Variants in HTN1 observed in about 807,000 individuals in gnomAD.
HTN1 encodes the protein histatin-1.
A neutral mutation model predicts 11.2 loss-of-function variants in HTN1; 18 were observed. The ratio of observed to expected loss-of-function variants is 1.61; its 90% CI spans 1.12 to 2.39. The LOEUF (loss-of-function observed/expected upper bound fraction) is 2.39. HTN1 is among the 30% of genes most tolerant of loss of function. The pLI, the probability that HTN1 is intolerant of heterozygous loss-of-function variation, is 0.00. For synonymous variants in HTN1, 21 were observed against 20.5 expected (o/e 1.02, Z -0.07); for missense variants, 80 against 67.2 (o/e 1.19, Z -0.67).
chr4:70,055,665 C>T, intron 5 of HTN1, 63 bp downstream of exon 5: 1 of 755,322 alleles, frequency 1.3e-6, no homozygotes, highest in Non-Finnish European at 2.2e-6. Context: ...AAAAAAAAAG[C>T]CATAAGCTAA....
chr4:70,055,688 T>C (rs745458170), intron 5 of HTN1, 86 bp downstream of exon 5: 2 of 652,396 alleles, frequency 3.1e-6, no homozygotes, highest in Non-Finnish European at 5.4e-6. Context: ...ACCATTCCAG[T>C]TTAAGAAATG....
intron 5 of HTN1, chr4:70,057,152 A>G (rs1487854628): frequency 6.6e-6 from 1 of 152,242 alleles, no homozygotes; most frequent in East Asian, 1.9e-4. Flanking sequence ...ACCATTAATG[A>G]TAGACTGGAT....
chr4:70,056,717 G>T (rs1726052430), intron 5 of HTN1: 1 of 152,042 alleles, frequency 6.6e-6, no homozygotes, highest in African/African-American at 2.4e-5. Context: ...CCATCTAAAA[G>T]TGGGCAAAGG....
chr4:70,053,213 C>A, intron 2 of HTN1, 86 bp downstream of exon 2: 2 of 838,166 alleles, frequency 2.4e-6, no homozygotes, highest in Non-Finnish European at 4.0e-6. Flanking sequence ...GGTATATACT[C>A]ATGTTGACCT....
chr4:70,053,840 C>T (rs1039982041), intron 2 of HTN1, among the ~76,000 whole-genome samples: 11 of 152,026 alleles, frequency 7.2e-5, no homozygotes, highest in Non-Finnish European at 1.2e-4. Flanking sequence ...ATGAATGTTT[C>T]GAAACTGAAT....
intron 2 of HTN1, among the ~76,000 whole-genome samples, chr4:70,054,108 G>T (rs1163998442): frequency 6.6e-6 from 1 of 151,958 alleles, no homozygotes; most frequent in Non-Finnish European, 1.5e-5. Context: ...AAACCAAAAT[G>T]AGTTGATATT....
chr4:70,055,574 C>A lies in HTN1; in HGVS notation c.*5C>A. ...AATTATCTATATGACAATTGATATCCTTAGTAATCATGGGGCATGATTATA... is the reference window on the plus strand; with the variant it reads ...AATTATCTATATGACAATTGATATCATTAGTAATCATGGGGCATGATTATA... On this transcript the variant is annotated 3_prime_UTR_variant, in exon 5 of 6. Transcript: ENST00000246896. 6.6e-7 allele frequency: 1 copy of A among 1,520,144 alleles called. No homozygotes were observed. Among genetic ancestry groups the A allele is most frequent in the Non-Finnish European group, 9.1e-7 (1 of 1,096,006 alleles). The allele number at this position is 1,520,144 out of a possible 1,614,324, so 94.2% of individuals were successfully genotyped here. A position where few individuals can be genotyped will look rare whatever the true frequency, so the allele number is the denominator to read the frequency against.
rs181485765 is a variant in HTN1, at chr4:70,055,506, T to A, written c.111T>A (p.His37Gln). ...HGYRRKFHEK[H>Q]HSHREFPFYG... ...CTTTTGTGTGTATGCAGGAAAAGCA[T>A]CATTCACATCGAGAATTTCCATTTT... Residue 37 changes from histidine (H) to glutamine (Q), a missense_variant, in exon 5 of 6, where the codon CAT (histidine) becomes CAA (glutamine). Transcript: ENST00000246896. The A allele has an allele frequency of 1.4e-5, 23 of 1,592,316 alleles. No individual in the cohort carries two copies. The African/African-American group carries it at 2.2e-4, about 15-fold the overall frequency.
In HTN1 at chr4:70,053,132, G is replaced by A. The variant is rs138250823; in HGVS notation, c.51+5G>A. 2.1e-3 allele frequency: 3,398 copies of A among 1,589,362 alleles called. 5 individuals carry two copies. The highest frequency in any genetic ancestry group is 2.6e-3 in the Non-Finnish European group (3,013 of 1,158,024). On this transcript the variant is annotated splice_donor_5th_base_variant and intron_variant, in intron 2 of 5. Transcript: ENST00000246896. ...GCTCTCATGATTTCCATGATTGTAA[G>A]TATATCTGGAAATTTTAAATACTAC...
At chr4:70,051,098 T>C (rs1449459822) in intron 1 of HTN1, among the ~76,000 whole-genome samples, 1 of 152,206 alleles carries the variant, frequency 6.6e-6, no homozygotes, top group Non-Finnish European at 1.5e-5. Flanking sequence ...AGATACCTAA[T>C]ATCTACTTTC....
At chr4:70,052,701 A>G (rs1725923912) in intron 1 of HTN1, among the ~76,000 whole-genome samples, 1 of 152,070 alleles carries the variant, frequency 6.6e-6, no homozygotes, top group Non-Finnish European at 1.5e-5. Flanking sequence ...CTGTAATCCA[A>G]GCATTTTGAG....
intron 4 of HTN1, 113 bp from the exon 5 acceptor site, chr4:70,055,385 A>T: frequency 2.7e-6 from 2 of 744,704 alleles, no homozygotes; most frequent in Non-Finnish European, 4.6e-6. Context: ...TAGATAAAAT[A>T]CAAGGTCTTA....
chr4:70,055,414 GC>G lies in HTN1; in HGVS notation c.103-83del. 3 of 960,296 alleles carry G rather than the reference GC, an allele frequency of 3.1e-6. No homozygotes were observed. In the South Asian group the frequency reaches 4.1e-5, roughly 13 times the overall value. 59.5% of individuals were successfully genotyped at this position (960,296 alleles called of 1,614,324 possible). On this transcript the variant is annotated intron_variant, in intron 4 of 5. Transcript: ENST00000246896. ...GGTCTTAACAACTTTAGCAATCTAA[GC>G]TTTTAATGACAGTTTTTGAGAAACA...
At chr4:70,054,571 A>G in intron 4 of HTN1, 121 bp downstream of exon 4, 1 of 654,168 alleles carries the variant, frequency 1.5e-6, no homozygotes. Context: ...TAAAGTGCAC[A>G]TTGATTTCAT....
chr4:70,055,460 T>C, intron 4 of HTN1, 38 bp from the exon 5 acceptor site: 3 of 1,401,320 alleles, frequency 2.1e-6, no homozygotes, highest in African/African-American at 1.4e-5. Flanking sequence ...TCATTCTCTA[T>C]TCTCTGCAAT....
intron 1 of HTN1, 57 bp downstream of exon 1, chr4:70,050,552 AAAT>A (rs1267613379): frequency 6.6e-6 from 1 of 152,140 alleles, no homozygotes; most frequent in East Asian, 1.9e-4. Context: ...TTGTTTGCTA[AAAT>A]CAATAGTAAC....
intron 1 of HTN1, among the ~76,000 whole-genome samples, chr4:70,050,729 TA>T (rs1341866788): frequency 6.6e-6 from 1 of 152,200 alleles, no homozygotes; most frequent in Non-Finnish European, 1.5e-5. Context: ...ATATTTCCTT[TA>T]AAAACTCACA....
intron 4 of HTN1, 50 bp downstream of exon 4, chr4:70,054,500 C>T: frequency 8.8e-7 from 1 of 1,137,844 alleles, no homozygotes; most frequent in South Asian, 1.4e-5. Context: ...TCCTCTCTGA[C>T]TATTTATTCT....
intron 1 of HTN1, among the ~76,000 whole-genome samples, chr4:70,052,699 C>T (rs1490340381): frequency 6.6e-6 from 1 of 151,660 alleles, no homozygotes; most frequent in Non-Finnish European, 1.5e-5. Context: ...ACCTGTAATC[C>T]AAGCATTTTG....
Sources: gnomAD v4.1 joint callset for allele counts (sites outside exome capture counted in the v4.1 genomes callset) on GRCh38, gnomAD v4.1.1 for gene constraint, MANE v1.5 for transcripts, NCBI Gene and HGNC (gene_info 2026-07-23, HGNC 2026-07-21) for gene names.